CLHC1: variants seen among roughly 807,000 people sequenced by gnomAD.
CLHC1 encodes the protein clathrin heavy chain linker domain-containing protein 1.
Under a neutral mutation model 69.5 loss-of-function variants are expected in CLHC1, and 72 were observed. That is an observed-to-expected ratio of 1.04 (90% CI 0.86 to 1.26). The LOEUF is 1.26. CLHC1 is among the 50% of genes most tolerant of loss of function. The pLI, the probability that CLHC1 is intolerant of heterozygous loss-of-function variation, is 0.00. For synonymous variants in CLHC1, 223 were observed against 224.3 expected, an observed-to-expected ratio of 0.99 and a Z score of 0.05; for missense variants, 790 against 679.3, an observed-to-expected ratio of 1.16 and a Z score of -1.81.
intron 9 of CLHC1, among the ~76,000 whole-genome samples, chr2:55,197,039 G>T (rs1434080027): frequency 1.3e-5 from 2 of 152,162 alleles, no homozygotes; most frequent in Non-Finnish European, 2.9e-5. Flanking sequence ...GGCCTTGACT[G>T]AACATTGGTG....
rs147611669 is a variant in CLHC1 at position 55,224,455 on chromosome 2, G to T, written c.-82-1962C>A. ...TCACCTCCGACAATGTCAGATTCCT[G>T]GTCCTTAGCTGGCGCTGCAGTTTGT... On this transcript the variant is annotated intron_variant, in intron 2 of 12. Transcript: ENST00000401408. The T allele has an allele frequency of 1.7e-3, 708 of 407,332 alleles. 2 individuals are homozygous for T. The highest frequency in any genetic ancestry group is 7.5e-3 in the African/African-American group (370 of 49,008). 25.2% of individuals were successfully genotyped at this position (407,332 alleles called of 1,614,324 possible). A position where few individuals can be genotyped will look rare whatever the true frequency, so the allele number is the denominator to read the frequency against.
intron 9 of CLHC1, among the ~76,000 whole-genome samples, chr2:55,187,279 C>CAAAATA (rs1670504932): frequency 1.6e-5 from 2 of 127,314 alleles, no homozygotes. Flanking sequence ...AACTCCATCT[C>CAAAATA]AAATAAAATA....
intron 8 of CLHC1, among the ~76,000 whole-genome samples, chr2:55,207,459 C>T (rs10439479): frequency 6.6e-6 from 1 of 152,180 alleles, no homozygotes; most frequent in Non-Finnish European, 1.5e-5. Flanking sequence ...GTCAGACTTA[C>T]AGAAGCATTA....
At chr2:55,182,747 T>C (rs1472956318) in intron 9 of CLHC1, among the ~76,000 whole-genome samples, 2 of 152,154 alleles carry the variant, frequency 1.3e-5, no homozygotes, top group African/African-American at 2.4e-5. Context: ...CAAGATTGCA[T>C]GTTCCTTAAG....
chr2:55,230,271 C>A (rs567128606), intron 1 of CLHC1, among the ~76,000 whole-genome samples: 3 of 152,088 alleles, frequency 2.0e-5, no homozygotes, highest in Admixed American at 1.3e-4. Flanking sequence ...CCAAGATCTG[C>A]CAAGGTAGAT....
chr2:55,193,305 C>A (rs2103799339), intron 9 of CLHC1, among the ~76,000 whole-genome samples: 2 of 151,548 alleles, frequency 1.3e-5, no homozygotes, highest in South Asian at 2.1e-4. Flanking sequence ...CTTTTAACTT[C>A]AAAAGAAACC....
At chr2:55,199,947 GAC>G (rs1671779565) in intron 9 of CLHC1, among the ~76,000 whole-genome samples, 1 of 152,158 alleles carries the variant, frequency 6.6e-6, no homozygotes, top group Admixed American at 6.5e-5. Flanking sequence ...GAGTGGGCCA[GAC>G]ACAGTGGCTC....
At position 55,222,694 on chromosome 2, in the gene CLHC1, T is replaced by G. The variant is rs370333394; in HGVS notation, c.-82-201A>C. 2.5e-3 allele frequency among the ~76,000 whole-genome samples: 374 copies of G among 150,772 alleles called. 1 individual carries two copies. The highest frequency in any genetic ancestry group is 8.8e-3 in the African/African-American group (362 of 40,926). ...CAGCTCTTTGGGAGGCCGAGGCAGGTGGATCATCTGAGGTCCGGGAGTTCG... is the reference window on the plus strand; with the variant it reads ...CAGCTCTTTGGGAGGCCGAGGCAGGGGGATCATCTGAGGTCCGGGAGTTCG... On this transcript the variant is annotated intron_variant, in intron 2 of 12. Transcript: ENST00000401408.
chr2:55,229,205 ATGACAGATAGG>A (rs1675022502), intron 1 of CLHC1, among the ~76,000 whole-genome samples: 1 of 151,010 alleles, frequency 6.6e-6, no homozygotes, highest in African/African-American at 2.4e-5. Context: ...GAAATATAGT[ATGACAGATAGG>A]GGTTAAGTTG....
chr2:55,199,986 G>T (rs767904625), intron 9 of CLHC1, among the ~76,000 whole-genome samples: 4 of 152,034 alleles, frequency 2.6e-5, no homozygotes, highest in African/African-American at 4.8e-5. Flanking sequence ...CATTTTGGGA[G>T]GCCAAGGCAG....
At chr2:55,182,510 C>G (rs1489652442) in intron 9 of CLHC1, among the ~76,000 whole-genome samples, 1 of 152,132 alleles carries the variant, frequency 6.6e-6, no homozygotes, top group Non-Finnish European at 1.5e-5. Flanking sequence ...AGATTATTTT[C>G]CTTTTTGTGA....
At position 55,183,351 on chromosome 2, in the gene CLHC1, G is replaced by A. The variant is rs896943636; in HGVS notation, c.1007-1607C>T. On this transcript the variant is annotated intron_variant, in intron 9 of 12. Transcript: ENST00000401408. ...AGATATTATCCAGTAAAAGAAATAG[G>A]AACGCCAACACAGCCCTTTTAAAGG... 9.8e-5 allele frequency among the ~76,000 whole-genome samples: 15 copies of A among 152,288 alleles called. No homozygotes were observed. The East Asian group carries it at 2.9e-3, about 29-fold the overall frequency.
rs1669053029 is a variant in CLHC1, at chr2:55,172,661, A to T, written c.*3129T>A. On this transcript the variant is annotated 3_prime_UTR_variant, in exon 13 of 13. Coordinates refer to ENST00000401408, the MANE Select transcript of CLHC1 (RefSeq NM_152385.4). ...AAATGCCATTTTTTTCTGAGAAAGA[A>T]TGGAAGAAATGTATGAGCTTTCTAT... Among the ~76,000 whole-genome samples the T allele has an allele frequency of 1.3e-5, 2 of 151,448 alleles. No individual in the cohort carries two copies. Among genetic ancestry groups the T allele is most frequent in the South Asian group, 4.2e-4 (2 of 4,794 alleles).
In CLHC1 at chr2:55,228,086, T is replaced by C. The variant is rs1004854891; in HGVS notation, c.-137A>G. ...AAAGCTGTCCTGGATTCCCTTAAAA[T>C]TGGTCAGATGCCACTGCTATGTTCT... On this transcript the variant is annotated 5_prime_UTR_variant, in exon 2 of 13. Coordinates refer to ENST00000401408, the MANE Select transcript of CLHC1 (RefSeq NM_152385.4). 4 of 152,254 alleles carry C rather than the reference T, an allele frequency of 2.6e-5. No individual in the cohort carries two copies. Among genetic ancestry groups the C allele is most frequent in the African/African-American group, 9.7e-5 (4 of 41,428 alleles). The allele number at this position is 152,254 out of a possible 1,614,324, so 9.4% of individuals were successfully genotyped here. A position where few individuals can be genotyped will look rare whatever the true frequency, so the allele number is the denominator to read the frequency against.
intron 1 of CLHC1, among the ~76,000 whole-genome samples, chr2:55,231,591 T>C (rs907951878): frequency 1.3e-5 from 2 of 152,138 alleles, no homozygotes; most frequent in Non-Finnish European, 2.9e-5. Flanking sequence ...AAGGTCTGAA[T>C]TTGGGGATGG....
At chr2:55,177,212 G>C (rs1462597910) in intron 12 of CLHC1, among the ~76,000 whole-genome samples, 1 of 152,146 alleles carries the variant, frequency 6.6e-6, no homozygotes, top group Non-Finnish European at 1.5e-5. Flanking sequence ...GTTAGGTTCA[G>C]AGTGAATAAC....
rs1181422520 is a variant in CLHC1 at position 55,195,320 on chromosome 2, T to C, written c.1006+10950A>G. 2.6e-5 allele frequency among the ~76,000 whole-genome samples: 4 copies of C among 152,198 alleles called. No homozygotes were observed. In the East Asian group the frequency reaches 5.8e-4, roughly 22 times the overall value. ...TGTGCCTGGCTTAGTTCACTTAGTA[T>C]AATGTGCTCCAGGTTTATCCATGTT... On this transcript the variant is annotated intron_variant, in intron 9 of 12. Transcript: ENST00000401408.
At chr2:55,214,048 GCT>G (rs1279136167) in intron 4 of CLHC1, among the ~76,000 whole-genome samples, 7 of 152,124 alleles carry the variant, frequency 4.6e-5, no homozygotes, top group Admixed American at 4.6e-4. Context: ...GGGGGTTCTG[GCT>G]AAACTTGCTT....
rs181550986 is a variant in CLHC1, at chr2:55,175,704, A to G, written c.*86T>C. 5.1e-4 allele frequency: 408 copies of G among 805,992 alleles called. 3 individuals are homozygous for G. In the African/African-American group the frequency reaches 6.6e-3, roughly 13 times the overall value. 49.9% of individuals were successfully genotyped at this position (805,992 alleles called of 1,614,324 possible). On this transcript the variant is annotated 3_prime_UTR_variant, in exon 13 of 13. Coordinates refer to ENST00000401408, the MANE Select transcript of CLHC1 (RefSeq NM_152385.4). ...AGATCTTCTTACTCTAGATTTATTTATAAGTTAGTTACGTTAAAATCAGTT... is the reference window on the plus strand; with the variant it reads ...AGATCTTCTTACTCTAGATTTATTTGTAAGTTAGTTACGTTAAAATCAGTT...
Sources: allele counts gnomAD v4.1 joint callset (sites outside exome capture counted in the v4.1 genomes callset), GRCh38; gene constraint gnomAD v4.1.1; transcripts MANE v1.5; gene names NCBI Gene and HGNC (gene_info 2026-07-23, HGNC 2026-07-21).